Variants in CEP68 observed in about 807,000 individuals in gnomAD.
CEP68 encodes the protein centrosomal protein of 68 kDa.
CEP68 carries 26 observed loss-of-function variants against 55.3 expected under a neutral mutation model. The observed-to-expected ratio is 0.47, with a 90% CI of 0.34 to 0.65. The LOEUF (loss-of-function observed/expected upper bound fraction) is 0.65. Ranked by LOEUF, CEP68 falls within the 30% of genes least tolerant of loss-of-function variation. The probability of loss-of-function intolerance (pLI) is 0.01; values close to 1 mark genes in which losing one functional copy is unlikely to be tolerated. For missense variants in CEP68, 957 were observed against 946.7 expected (o/e 1.01, Z -0.14); for synonymous variants, 402 against 383.2 (o/e 1.05, Z -0.57).
chr2:65,070,242 A>G (rs1676398281), intron 2 of CEP68, among the ~76,000 whole-genome samples: 2 of 152,124 alleles, frequency 1.3e-5, no homozygotes, highest in South Asian at 4.1e-4. Context: ...ACATGTCAGA[A>G]CCTTGGAGCC....
intron 6 of CEP68, among the ~76,000 whole-genome samples, chr2:65,083,159 C>T (rs1391494604): frequency 6.6e-6 from 1 of 152,138 alleles, no homozygotes; most frequent in Non-Finnish European, 1.5e-5. Context: ...CTTAGAGAAA[C>T]CCAGAGTTAC....
chr2:65,078,054 TACC>T, intron 5 of CEP68, 90 bp downstream of exon 5: 1 of 925,422 alleles, frequency 1.1e-6, no homozygotes, highest in Non-Finnish European at 1.7e-6. Flanking sequence ...AAGGAGCTGG[TACC>T]ACAAGAGCCC....
chr2:65,082,725 CA>C lies in CEP68; in HGVS notation c.*4+21del. On this transcript the variant is annotated intron_variant, in intron 6 of 6. Transcript: ENST00000377990. Reference sequence around the variant, plus strand: ...GTTTAACCTGGTAAGTGGAGGAACTCAAAAAGAAAATTTGCCCACCAACCCT... The same window carrying C: ...GTTTAACCTGGTAAGTGGAGGAACTCAAAAGAAAATTTGCCCACCAACCCT... 1 of 1,525,792 alleles carries C rather than the reference CA, an allele frequency of 6.6e-7. No homozygotes were observed. Among genetic ancestry groups the C allele is most frequent in the East Asian group, 2.4e-5 (1 of 41,202 alleles). The allele number at this position is 1,525,792 out of a possible 1,614,324, so 94.5% of individuals were successfully genotyped here. A position where few individuals can be genotyped will look rare whatever the true frequency, so the allele number is the denominator to read the frequency against.
At chr2:65,060,024 A>G (rs1055221138) in intron 1 of CEP68, among the ~76,000 whole-genome samples, 1 of 152,112 alleles carries the variant, frequency 6.6e-6, no homozygotes, top group Admixed American at 6.6e-5. Flanking sequence ...TTAAAAAAAA[A>G]CTATTTGAGG....
Position 65,072,322 on chromosome 2 carries a change from C to G in CEP68, c.1226C>G (p.Ala409Gly). The G allele has an allele frequency of 6.2e-7, 1 of 1,614,012 alleles. No homozygotes were observed. The highest frequency in any genetic ancestry group is 8.5e-7 in the Non-Finnish European group (1 of 1,180,018). Residue 409 changes from alanine (A) to glycine (G), a missense_variant, in exon 3 of 7, where the codon GCT becomes GGT. Transcript: ENST00000377990. ...CCCAGAGCCCCAGGCAGTAGGGATG[C>G]TCGTTGGGAGCGCAGAGAGCCAGCC... is the stretch of plus-strand genomic sequence containing the variant. ...STPRAPGSRD[A>G]RWERREPALR...
At position 65,086,014 on chromosome 2, in the gene CEP68, G is replaced by A. The variant is rs1463736296; in HGVS notation, c.*2380G>A. 2 of 152,202 alleles carry A rather than the reference G, an allele frequency of 1.3e-5. No individual in the cohort carries two copies. The highest frequency in any genetic ancestry group is 2.9e-5 in the Non-Finnish European group (2 of 68,052). The allele number at this position is 152,202 out of a possible 1,614,324, so 9.4% of individuals were successfully genotyped here. On this transcript the variant is annotated 3_prime_UTR_variant, in exon 7 of 7. Transcript: ENST00000377990. Reference sequence around the variant, plus strand: ...AGTGATGATACTCAAAGCTGGATCAGCAGTTTCAAGATCTGGGTTCTTGGA... The same window carrying A: ...AGTGATGATACTCAAAGCTGGATCAACAGTTTCAAGATCTGGGTTCTTGGA...
At chr2:65,083,580 T>C (rs915502554) in intron 6 of CEP68, 59 bp from the exon 7 acceptor site, 1 of 152,288 alleles carries the variant, frequency 6.6e-6, no homozygotes, top group African/African-American at 2.4e-5. Context: ...GGGACTGCTG[T>C]TGTCGTTTCT....
At chr2:65,076,272 T>C (rs1234931359) in intron 4 of CEP68, among the ~76,000 whole-genome samples, 1 of 152,184 alleles carries the variant, frequency 6.6e-6, no homozygotes, top group South Asian at 2.1e-4. Flanking sequence ...TAGTGGCCTT[T>C]CCTGGCTTGT....
In CEP68 at chr2:65,078,047, G is replaced by C. The variant is rs1039267798; in HGVS notation, c.2104+83G>C. 6 of 1,006,854 alleles carry C rather than the reference G, an allele frequency of 6.0e-6. No individual in the cohort carries two copies. In the African/African-American group the frequency reaches 8.1e-5, roughly 14 times the overall value. 62.4% of individuals were successfully genotyped at this position (1,006,854 alleles called of 1,614,324 possible). A position where few individuals can be genotyped will look rare whatever the true frequency, so the allele number is the denominator to read the frequency against. On this transcript the variant is annotated intron_variant, in intron 5 of 6. Coordinates refer to ENST00000377990, the MANE Select transcript of CEP68 (RefSeq NM_015147.3). ...CAGGGACCGCACTATCCCTGGTAAG[G>C]AGCTGGTACCACAAGAGCCCCTGCC...
chr2:65,070,444 C>G lies in CEP68; in HGVS notation c.357+643C>G, dbSNP rs79875321. On this transcript the variant is annotated intron_variant, in intron 2 of 6. Transcript: ENST00000377990. ...CCGGAATGATCTGTTCTGCCCAGCT[C>G]TTACATTCTTTTCTGTTCTGCTTGC... Among the ~76,000 whole-genome samples, 3,330 of 151,688 alleles carry G rather than the reference C, an allele frequency of 0.022. 200 individuals are homozygous for G. The East Asian group carries it at 0.23, about 10-fold the overall frequency.
rs1669038227 is a variant in CEP68 at position 65,086,702 on chromosome 2, G to C, written c.*3068G>C. 6.6e-6 allele frequency: 1 copy of C among 152,516 alleles called. No homozygotes were observed. Among genetic ancestry groups the C allele is most frequent in the African/African-American group, 2.4e-5 (1 of 41,438 alleles). 9.4% of individuals were successfully genotyped at this position (152,516 alleles called of 1,614,324 possible). A position where few individuals can be genotyped will look rare whatever the true frequency, so the allele number is the denominator to read the frequency against. On this transcript the variant is annotated 3_prime_UTR_variant, in exon 7 of 7. Transcript: ENST00000377990. ...TGTCATTTAGCTACTTTAGAAAATA[G>C]TTTCTGAACTCTTTCCCCCTTTATA...
chr2:65,080,562 TA>T lies in CEP68; in HGVS notation c.2105-1972del. ...GTCCGTGCGCAGTGGCTCACGCCTGTAATCTCAACACTTTGGGAGGCCAAGC... is the reference window on the plus strand; with the variant it reads ...GTCCGTGCGCAGTGGCTCACGCCTGTATCTCAACACTTTGGGAGGCCAAGC... On this transcript the variant is annotated intron_variant, in intron 5 of 6. Coordinates refer to ENST00000377990, the MANE Select transcript of CEP68 (RefSeq NM_015147.3). 3 of 984,356 alleles carry T rather than the reference TA, an allele frequency of 3.0e-6. No homozygotes were observed. In the South Asian group the frequency reaches 1.4e-4, roughly 46 times the overall value. 61.0% of individuals were successfully genotyped at this position (984,356 alleles called of 1,614,324 possible).
Position 65,085,439 on chromosome 2 carries a change from C to A in CEP68, c.*1805C>A, listed in dbSNP as rs1668998449. On this transcript the variant is annotated 3_prime_UTR_variant, in exon 7 of 7. Coordinates refer to ENST00000377990, the MANE Select transcript of CEP68 (RefSeq NM_015147.3). Reference sequence around the variant, plus strand: ...AAGGGTGCTAACTCCCTGGACCTGGCTGTGAATGCTACTGAAGAGTATCAA... The same window carrying A: ...AAGGGTGCTAACTCCCTGGACCTGGATGTGAATGCTACTGAAGAGTATCAA... 6.6e-6 allele frequency: 1 copy of A among 152,192 alleles called. No homozygotes were observed. Among genetic ancestry groups the A allele is most frequent in the African/African-American group, 2.4e-5 (1 of 41,426 alleles). The allele number at this position is 152,192 out of a possible 1,614,324, so 9.4% of individuals were successfully genotyped here. A position where few individuals can be genotyped will look rare whatever the true frequency, so the allele number is the denominator to read the frequency against.
At position 65,076,737 on chromosome 2, in the gene CEP68, A is replaced by G. The variant is rs186766226; in HGVS notation, c.2008-1131A>G. Among the ~76,000 whole-genome samples the G allele has an allele frequency of 2.2e-3, 329 of 152,280 alleles. 2 individuals are homozygous for G. The highest frequency in any genetic ancestry group is 7.6e-3 in the African/African-American group (316 of 41,562). On this transcript the variant is annotated intron_variant, in intron 4 of 6. Transcript: ENST00000377990. ...GGTAAAGGAAAACTGAAGACAGGAA[A>G]ATAGTAAATCCAAGGGTAAAACTAT...
In CEP68 at chr2:65,072,069, G is replaced by A; in HGVS notation, c.973G>A (p.Ala325Thr). 6.2e-7 allele frequency: 1 copy of A among 1,613,934 alleles called. No individual in the cohort carries two copies. Among genetic ancestry groups the A allele is most frequent in the African/African-American group, 1.3e-5 (1 of 74,982 alleles). ...AAAGCACCTTGATAGCCGTGTGCCA[G>A]CTGACCCTGTCCTGCAGGACTCCGG... ...LPKHLDSRVP[A>T]DPVLQDSGVD... The change falls in exon 3 of 7, where the codon GCT becomes ACT. Residue 325 changes from alanine to threonine, a missense_variant. Coordinates refer to ENST00000377990, the MANE Select transcript of CEP68 (RefSeq NM_015147.3).
chr2:65,071,757 C>T lies in CEP68; in HGVS notation c.661C>T (p.Leu221=). 6.2e-7 allele frequency: 1 copy of T among 1,613,622 alleles called. No homozygotes were observed. The highest frequency in any genetic ancestry group is 1.1e-5 in the South Asian group (1 of 91,084). ...QERAEPRGGS[L]AKVSSSLEPV... is the part of the protein sequence containing the mutation. ...GAGGGCGGAGCCTCGTGGTGGTTCT[C>T]TGGCCAAGGTCTCCTCCTCCCTGGA... The change falls in exon 3 of 7, where the codon CTG becomes TTG. Residue 221 remains leucine, a synonymous_variant. Coordinates refer to ENST00000377990, the MANE Select transcript of CEP68 (RefSeq NM_015147.3).
chr2:65,063,290 C>T (rs1380457913), intron 1 of CEP68, among the ~76,000 whole-genome samples: 1 of 152,204 alleles, frequency 6.6e-6, no homozygotes, highest in Admixed American at 6.5e-5. Flanking sequence ...AAGGACAAGG[C>T]AGTTCTGTTG....
intron 5 of CEP68, among the ~76,000 whole-genome samples, chr2:65,081,025 G>C (rs1472393643): frequency 6.6e-6 from 1 of 151,778 alleles, no homozygotes; most frequent in African/African-American, 2.4e-5. Context: ...AGCCTGGCCA[G>C]CATGACGAAA....
At chr2:65,062,791 C>A (rs1400541391) in intron 1 of CEP68, among the ~76,000 whole-genome samples, 1 of 151,966 alleles carries the variant, frequency 6.6e-6, no homozygotes. Flanking sequence ...GAGCCAAGAT[C>A]GTGCCACTGC....
Sources: gnomAD v4.1 joint callset for allele counts (sites outside exome capture counted in the v4.1 genomes callset) on GRCh38, gnomAD v4.1.1 for gene constraint, MANE v1.5 for transcripts, NCBI Gene and HGNC (gene_info 2026-07-23, HGNC 2026-07-21) for gene names.